Variants in SYT1 observed in about 807,000 individuals in gnomAD.
SYT1 encodes the protein synaptotagmin-1.
In SYT1, 8 loss-of-function variants were observed where a neutral mutation model predicts 44.8. The ratio of observed to expected loss-of-function variants is 0.18; its 90% CI spans 0.10 to 0.32. The LOEUF (loss-of-function observed/expected upper bound fraction) is 0.32, where lower values mean the gene tolerates loss of function less well. Among genes scored for constraint, SYT1 ranks in the 10% least tolerant of loss-of-function variants. The pLI is 1.00. For synonymous variants in SYT1, 154 were observed against 188.8 expected (o/e 0.82, Z 1.51); for missense variants, 286 against 509.3 (o/e 0.56, Z 4.22).
At chr12:79,171,526 G>A (rs1871522687) in intron 3 of SYT1, among the ~76,000 whole-genome samples, 1 of 152,092 alleles carries the variant, frequency 6.6e-6, no homozygotes, top group Admixed American at 6.6e-5. Context: ...GAATCATTTG[G>A]CTTTCACATG....
intron 1 of SYT1, among the ~76,000 whole-genome samples, chr12:78,902,249 T>C (rs1875708698): frequency 6.6e-6 from 1 of 150,948 alleles, no homozygotes; most frequent in Non-Finnish European, 1.5e-5. Context: ...TAATCGCAAT[T>C]ACACACATAG....
intron 3 of SYT1, among the ~76,000 whole-genome samples, chr12:79,053,013 A>G (rs1186143147): frequency 3.9e-5 from 6 of 152,146 alleles, no homozygotes. Context: ...CTGGGTATAC[A>G]CCCAAAGGAT....
At chr12:78,877,101 CTG>C (rs1874212866) in intron 1 of SYT1, among the ~76,000 whole-genome samples, 1 of 149,290 alleles carries the variant, frequency 6.7e-6, no homozygotes, top group Admixed American at 6.8e-5. Flanking sequence ...GTGTATTAGT[CTG>C]TTCTCACGCT....
At chr12:79,198,598 C>T (rs953207277) in intron 3 of SYT1, among the ~76,000 whole-genome samples, 2 of 152,136 alleles carry the variant, frequency 1.3e-5, no homozygotes, top group African/African-American at 4.8e-5. Context: ...CATGAACTCT[C>T]TCTGGACGGT....
At chr12:78,988,766 A>G (rs1013065502) in intron 2 of SYT1, among the ~76,000 whole-genome samples, 3 of 152,096 alleles carry the variant, frequency 2.0e-5, no homozygotes, top group African/African-American at 7.2e-5. Context: ...AATGTAATGA[A>G]CAGCCATTGG....
At chr12:79,324,986 G>T (rs182790263) in intron 8 of SYT1, among the ~76,000 whole-genome samples, 2 of 152,322 alleles carry the variant, frequency 1.3e-5, no homozygotes, top group East Asian at 3.9e-4. Context: ...TGCCAGTTGG[G>T]CTGTGTTATA....
chr12:78,876,740 T>TAATATA, intron 1 of SYT1, among the ~76,000 whole-genome samples: 1 of 108,416 alleles, frequency 9.2e-6, no homozygotes, highest in African/African-American at 3.7e-5. Context: ...ATATATTATA[T>TAATATA]ATTATATATT....
intron 1 of SYT1, among the ~76,000 whole-genome samples, chr12:78,912,253 C>T (rs1384079369): frequency 6.6e-6 from 1 of 151,008 alleles, no homozygotes; most frequent in Admixed American, 6.6e-5. Flanking sequence ...AAATGAATAC[C>T]TAATGTTTAT....
At chr12:79,202,756 C>A (rs758605820) in intron 3 of SYT1, among the ~76,000 whole-genome samples, 4 of 152,186 alleles carry the variant, frequency 2.6e-5, no homozygotes, top group Non-Finnish European at 5.9e-5. Flanking sequence ...AAAGGTAGAA[C>A]ATTCAATTGG....
intron 9 of SYT1, among the ~76,000 whole-genome samples, chr12:79,441,435 C>G (rs1306427871): frequency 2.6e-5 from 4 of 152,112 alleles, no homozygotes; most frequent in Admixed American, 2.6e-4. Flanking sequence ...CCTGCCTCAC[C>G]TTTGGAGTAG....
At chr12:79,143,554 G>T (rs1005525229) in intron 3 of SYT1, among the ~76,000 whole-genome samples, 5 of 152,160 alleles carry the variant, frequency 3.3e-5, no homozygotes, top group Non-Finnish European at 7.4e-5. Context: ...GAAAATCAAA[G>T]AAAATGTTGA....
chr12:79,316,485 T>C (rs1169137270), intron 8 of SYT1, among the ~76,000 whole-genome samples: 2 of 152,254 alleles, frequency 1.3e-5, no homozygotes, highest in Non-Finnish European at 2.9e-5. Context: ...TCATTTCTCC[T>C]GAACTGCTGG....
chr12:79,090,424 T>A (rs11112740), intron 3 of SYT1, among the ~76,000 whole-genome samples: 3 of 152,006 alleles, frequency 2.0e-5, no homozygotes, highest in Non-Finnish European at 4.4e-5. Flanking sequence ...TCAATTATTA[T>A]GGTATCTCAA....
chr12:78,979,702 T>G (rs1407880401), intron 2 of SYT1, among the ~76,000 whole-genome samples: 2 of 152,132 alleles, frequency 1.3e-5, no homozygotes, highest in Non-Finnish European at 2.9e-5. Context: ...TTAAATATCT[T>G]AAATTAAAAT....
chr12:79,293,273 G>A (rs1377704194), intron 6 of SYT1, among the ~76,000 whole-genome samples: 3 of 150,830 alleles, frequency 2.0e-5, no homozygotes, highest in Admixed American at 6.6e-5. Context: ...GCAGTGAGCC[G>A]AGATCGTGCC....
intron 3 of SYT1, among the ~76,000 whole-genome samples, chr12:79,139,424 G>T (rs918974056): frequency 6.6e-6 from 1 of 152,108 alleles, no homozygotes; most frequent in Non-Finnish European, 1.5e-5. Flanking sequence ...CATTGAATAA[G>T]TATCCATGTT....
At chr12:79,204,178 G>A (rs1384293996) in intron 3 of SYT1, among the ~76,000 whole-genome samples, 1 of 152,176 alleles carries the variant, frequency 6.6e-6, no homozygotes, top group Non-Finnish European at 1.5e-5. Flanking sequence ...TATGAGCTTA[G>A]ATGTTTAAAG....
intron 3 of SYT1, among the ~76,000 whole-genome samples, chr12:79,052,838 A>C (rs890322282): frequency 2.6e-5 from 4 of 152,178 alleles, no homozygotes; most frequent in African/African-American, 9.6e-5. Flanking sequence ...AATGGCAATC[A>C]TTAAAAAGTC....
intron 4 of SYT1, among the ~76,000 whole-genome samples, chr12:79,269,062 T>C (rs1187791525): frequency 1.3e-5 from 2 of 151,216 alleles, no homozygotes; most frequent in Non-Finnish European, 2.9e-5. Flanking sequence ...CGTTTTTGAA[T>C]TCCAGGCCCC....
Sources: allele counts gnomAD v4.1 joint callset (sites outside exome capture counted in the v4.1 genomes callset), GRCh38; gene constraint gnomAD v4.1.1; transcripts MANE v1.5; gene names NCBI Gene and HGNC (gene_info 2026-07-23, HGNC 2026-07-21).